Variants in TBC1D22B observed in about 807,000 individuals in gnomAD.
TBC1D22B encodes TBC1 domain family member 22B.
A neutral mutation model predicts 69.1 loss-of-function variants in TBC1D22B; 32 were observed. The ratio of observed to expected loss-of-function variants is 0.46; its 90% CI spans 0.35 to 0.62. TBC1D22B has a LOEUF of 0.62. TBC1D22B is among the 20% of genes least tolerant of loss of function. TBC1D22B has a pLI of 0.00. For synonymous variants in TBC1D22B, 206 were observed against 229.8 expected, an observed-to-expected ratio of 0.90 and a Z score of 0.94; for missense variants, 462 against 630.9, an observed-to-expected ratio of 0.73 and a Z score of 2.87.
At chr6:37,292,003 T>A (rs1220909839) in intron 8 of TBC1D22B, among the ~76,000 whole-genome samples, 1 of 152,222 alleles carries the variant, frequency 6.6e-6, no homozygotes, top group Non-Finnish European at 1.5e-5. Context: ...GTTTCTCTGT[T>A]TTGGTTTCCT....
intron 1 of TBC1D22B, among the ~76,000 whole-genome samples, chr6:37,267,727 C>T (rs1766354035): frequency 6.6e-6 from 1 of 151,750 alleles, no homozygotes; most frequent in African/African-American, 2.4e-5. Context: ...CCCCTCTCTT[C>T]CCACCTGCTT....
Position 37,287,079 on chromosome 6 carries a change from G to A in TBC1D22B, c.867+7G>A. The A allele has an allele frequency of 1.3e-6, 2 of 1,592,810 alleles. No homozygotes were observed. The highest frequency in any genetic ancestry group is 1.7e-6 in the Non-Finnish European group (2 of 1,172,194). ...GCAACCACTTGTACAGGAGGTGAGGGAATTACTTAATGTTCTTTGGCGCTT... is the reference window on the plus strand; with the variant it reads ...GCAACCACTTGTACAGGAGGTGAGGAAATTACTTAATGTTCTTTGGCGCTT... On this transcript the variant is annotated splice_region_variant and intron_variant, in intron 7 of 12. Transcript: ENST00000373491.
rs147939394 is a variant in TBC1D22B at position 37,263,288 on chromosome 6, CAT to C, written c.56+5318_56+5319del. On this transcript the variant is annotated intron_variant, in intron 1 of 12. Coordinates refer to ENST00000373491, the MANE Select transcript of TBC1D22B (RefSeq NM_017772.4). ...TTGACTTTCTGGTTTTTCCACTAAA[CAT>C]ATGTTATATTTGTAATCAGACAAAC... is the stretch of plus-strand genomic sequence containing the variant. Among the ~76,000 whole-genome samples the C allele has an allele frequency of 3.1e-3, 469 of 152,286 alleles. 3 individuals are homozygous for C. The highest frequency in any genetic ancestry group is 0.011 in the African/African-American group (443 of 41,554).
At position 37,291,313 on chromosome 6, in the gene TBC1D22B, AC is replaced by A; in HGVS notation, c.940del (p.Leu314TrpfsTer23). The part of the protein sequence containing the change: ...PASGYVQGIN[D>X]LVTPFFVVFL... ...AGTGGGTATGTCCAGGGAATTAATGACCTGGTCACTCCATTCTTTGTCGTCT... is the reference window on the plus strand; with the variant it reads ...AGTGGGTATGTCCAGGGAATTAATGACTGGTCACTCCATTCTTTGTCGTCT... On this transcript the variant is annotated frameshift_variant, in exon 8 of 13. Coordinates refer to ENST00000373491, the MANE Select transcript of TBC1D22B (RefSeq NM_017772.4). LOFTEE classifies it high-confidence loss of function. The A allele has an allele frequency of 6.2e-7, 1 of 1,613,634 alleles. No individual in the cohort carries two copies. Among genetic ancestry groups the A allele is most frequent in the Non-Finnish European group, 8.5e-7 (1 of 1,179,818 alleles).
At position 37,262,028 on chromosome 6, in the gene TBC1D22B, C is replaced by T. The variant is rs1451952626; in HGVS notation, c.56+4055C>T. Among the ~76,000 whole-genome samples the T allele has an allele frequency of 4.0e-3, 312 of 77,446 alleles. 11 individuals carry two copies. The highest frequency in any genetic ancestry group is 0.013 in the African/African-American group (287 of 22,386). 50.8% of individuals were successfully genotyped at this position (77,446 alleles called of 152,430 possible). A position where few individuals can be genotyped will look rare whatever the true frequency, so the allele number is the denominator to read the frequency against. On this transcript the variant is annotated intron_variant, in intron 1 of 12. Transcript: ENST00000373491. ...CTCGGGCACAGGAGAAAAAAAAAAT[C>T]ACCTTTTTTTTTTTTTTTTTGAGAT...
intron 8 of TBC1D22B, among the ~76,000 whole-genome samples, chr6:37,293,404 A>G (rs1217232832): frequency 6.6e-6 from 1 of 152,110 alleles, no homozygotes; most frequent in African/African-American, 2.4e-5. Flanking sequence ...TATATCTGTC[A>G]TGGTCATCTG....
Position 37,285,315 on chromosome 6 carries a change from C to CTTTTTTT in TBC1D22B, c.801+872_801+878dup, listed in dbSNP as rs756459599. Among the ~76,000 whole-genome samples, 49 of 73,562 alleles carry CTTTTTTT rather than the reference C, an allele frequency of 6.7e-4. 11 individuals carry two copies. Among genetic ancestry groups the CTTTTTTT allele is most frequent in the Admixed American group, 1.3e-3 (6 of 4,510 alleles). The allele number at this position is 73,562 out of a possible 152,430, so 48.3% of individuals were successfully genotyped here. A position where few individuals can be genotyped will look rare whatever the true frequency, so the allele number is the denominator to read the frequency against. On this transcript the variant is annotated intron_variant, in intron 6 of 12. Coordinates refer to ENST00000373491, the MANE Select transcript of TBC1D22B (RefSeq NM_017772.4). ...GCCAACTCCTTTTGGTCCTTCCCCA[C>CTTTTTTT]TTTTTTTTTTTTTTTTTTTTTTTTT...
At chr6:37,294,686 G>A (rs1767301813) in intron 8 of TBC1D22B, among the ~76,000 whole-genome samples, 1 of 152,154 alleles carries the variant, frequency 6.6e-6, no homozygotes, top group Non-Finnish European at 1.5e-5. Context: ...TTAGATGACA[G>A]CACATCTGTT....
At chr6:37,264,042 AT>A (rs11302112) in intron 1 of TBC1D22B, among the ~76,000 whole-genome samples, 134,377 of 150,090 alleles carry the variant, frequency 0.9, 60,289 homozygotes, top group African/African-American at 0.97. Context: ...AATGTTTTGT[AT>A]TTTTTTTTTT....
At chr6:37,307,254 T>C (rs1028240499) in intron 8 of TBC1D22B, among the ~76,000 whole-genome samples, 3 of 152,240 alleles carry the variant, frequency 2.0e-5, no homozygotes, top group African/African-American at 7.2e-5. Flanking sequence ...GAATGAAATA[T>C]TTGTTGCTGT....
chr6:37,328,719 GT>G (rs935069140), intron 12 of TBC1D22B, among the ~76,000 whole-genome samples: 14 of 150,184 alleles, frequency 9.3e-5, no homozygotes, highest in South Asian at 2.1e-4. Flanking sequence ...TTTATTTTCT[GT>G]TTTTTTTTTA....
intron 12 of TBC1D22B, chr6:37,324,468 C>T: frequency 2.5e-6 from 1 of 408,062 alleles, no homozygotes; most frequent in Admixed American, 2.7e-5. Context: ...GCCTATTATG[C>T]ACCAAAATGC....
chr6:37,300,006 C>CAAAA (rs764261176), intron 8 of TBC1D22B, among the ~76,000 whole-genome samples: 1,299 of 77,006 alleles, frequency 0.017, 13 homozygotes, highest in Non-Finnish European at 0.028. Context: ...GAGACTCTGT[C>CAAAA]AAAAAAAAAA....
intron 12 of TBC1D22B, among the ~76,000 whole-genome samples, 179 bp from the exon 13 acceptor site, chr6:37,330,865 T>C (rs1035104457): frequency 3.3e-5 from 5 of 152,164 alleles, no homozygotes; most frequent in African/African-American, 1.2e-4. Context: ...TTTCAAGACC[T>C]CCTGAGGTGA....
intron 8 of TBC1D22B, among the ~76,000 whole-genome samples, chr6:37,294,433 A>C (rs959159605): frequency 6.6e-6 from 1 of 151,996 alleles, no homozygotes; most frequent in Non-Finnish European, 1.5e-5. Context: ...TGGCCTCCTG[A>C]GTAGTTGGGA....
At chr6:37,266,234 T>C (rs1175284161) in intron 1 of TBC1D22B, among the ~76,000 whole-genome samples, 1 of 152,208 alleles carries the variant, frequency 6.6e-6, no homozygotes, top group Non-Finnish European at 1.5e-5. Flanking sequence ...CTCTTTGGTG[T>C]CCCATCATCT....
At chr6:37,278,179 T>C (rs143646489) in intron 2 of TBC1D22B, among the ~76,000 whole-genome samples, 2 of 152,232 alleles carry the variant, frequency 1.3e-5, no homozygotes, top group African/African-American at 4.8e-5. Flanking sequence ...CCAAACAATC[T>C]TATTAAATCC....
At chr6:37,298,412 A>G (rs1767454905) in intron 8 of TBC1D22B, among the ~76,000 whole-genome samples, 1 of 152,174 alleles carries the variant, frequency 6.6e-6, no homozygotes, top group Admixed American at 6.6e-5. Flanking sequence ...AAAATATCAT[A>G]TAGCAAGCTT....
chr6:37,268,067 T>G (rs992734723), intron 1 of TBC1D22B, among the ~76,000 whole-genome samples: 1 of 152,248 alleles, frequency 6.6e-6, no homozygotes, highest in African/African-American at 2.4e-5. Flanking sequence ...TTTCTCCATC[T>G]CATGATTAGT....
Sources: gnomAD v4.1 joint callset for allele counts (sites outside exome capture counted in the v4.1 genomes callset) on GRCh38, gnomAD v4.1.1 for gene constraint, MANE v1.5 for transcripts, NCBI Gene and HGNC (gene_info 2026-07-23, HGNC 2026-07-21) for gene names.